The following CNTNAP2 variants were observed in gnomAD, a reference collection of about 807,000 sequenced individuals.
The protein encoded by CNTNAP2 is contactin-associated protein-like 2.
Under a neutral mutation model 155.2 loss-of-function variants are expected in CNTNAP2, and 98 were observed. The observed-to-expected ratio is 0.63, with a 90% confidence interval of 0.54 to 0.75. CNTNAP2 has a LOEUF of 0.75. Ranked by LOEUF, CNTNAP2 falls within the 30% of genes least tolerant of loss-of-function variation. The pLI, the probability that CNTNAP2 is intolerant of heterozygous loss-of-function variation, is 0.00. For missense variants in CNTNAP2, 1,727 were observed against 1,688.1 expected (o/e 1.02, Z -0.40); for synonymous variants, 651 against 631.2 (o/e 1.03, Z -0.47).
intron 1 of CNTNAP2, among the ~76,000 whole-genome samples, chr7:146,380,878 G>C (rs554310265): frequency 7.6e-6 from 1 of 130,944 alleles, no homozygotes; most frequent in Non-Finnish European, 1.5e-5. Flanking sequence ...GCTCACTGCA[G>C]GCTCCGCCCC....
chr7:147,642,013 T>TGC (rs1795287885), intron 13 of CNTNAP2, among the ~76,000 whole-genome samples: 1 of 148,466 alleles, frequency 6.7e-6, no homozygotes, highest in African/African-American at 2.5e-5. Context: ...TGTGTGTGCG[T>TGC]GTGTGTGTGT....
intron 1 of CNTNAP2, among the ~76,000 whole-genome samples, chr7:146,349,197 C>T (rs548745563): frequency 3.3e-5 from 5 of 152,196 alleles, no homozygotes; most frequent in East Asian, 3.9e-4. Flanking sequence ...AAATTCTATT[C>T]GCCAGAAATA....
At chr7:147,765,809 C>T (rs754654002) in intron 13 of CNTNAP2, among the ~76,000 whole-genome samples, 1 of 152,056 alleles carries the variant, frequency 6.6e-6, no homozygotes, top group Non-Finnish European at 1.5e-5. Context: ...ATAACTAATT[C>T]AGCAGTTTAT....
At chr7:147,074,232 T>C (rs1461889755) in intron 4 of CNTNAP2, among the ~76,000 whole-genome samples, 3 of 152,076 alleles carry the variant, frequency 2.0e-5, no homozygotes, top group Non-Finnish European at 1.5e-5. Flanking sequence ...TGCTCTTCCA[T>C]TTATCATCTG....
At chr7:146,282,540 T>C (rs183235041) in intron 1 of CNTNAP2, among the ~76,000 whole-genome samples, 13 of 152,230 alleles carry the variant, frequency 8.5e-5, no homozygotes, top group African/African-American at 2.9e-4. Flanking sequence ...ATTTATACTA[T>C]TTCATTTGAT....
chr7:146,478,319 A>G (rs1796909866), intron 1 of CNTNAP2, among the ~76,000 whole-genome samples: 1 of 152,072 alleles, frequency 6.6e-6, no homozygotes, highest in Admixed American at 6.6e-5. Flanking sequence ...GAAAACGAGA[A>G]AAAGAAAACA....
chr7:148,092,825 A>T (rs922041723), intron 15 of CNTNAP2, among the ~76,000 whole-genome samples: 1 of 148,950 alleles, frequency 6.7e-6, no homozygotes, highest in East Asian at 2.1e-4. Context: ...TATGAAAATG[A>T]TTTATTAGAC....
chr7:146,553,681 T>C (rs1191786548), intron 1 of CNTNAP2, among the ~76,000 whole-genome samples: 1 of 152,182 alleles, frequency 6.6e-6, no homozygotes, highest in Non-Finnish European at 1.5e-5. Flanking sequence ...TAGGATATTA[T>C]ACAAAGATTA....
intron 13 of CNTNAP2, among the ~76,000 whole-genome samples, chr7:147,882,666 C>T (rs909650293): frequency 1.3e-5 from 2 of 152,198 alleles, no homozygotes; most frequent in African/African-American, 4.8e-5. Context: ...AGAATCCCTG[C>T]TTTACTCCCT....
chr7:146,281,569 G>T (rs1483161813), intron 1 of CNTNAP2, among the ~76,000 whole-genome samples: 1 of 152,116 alleles, frequency 6.6e-6, no homozygotes, highest in Non-Finnish European at 1.5e-5. Context: ...GGCTGAGGCG[G>T]GTGGATCACA....
At chr7:147,832,117 TCATA>T (rs1468312513) in intron 13 of CNTNAP2, among the ~76,000 whole-genome samples, 1 of 148,166 alleles carries the variant, frequency 6.7e-6, no homozygotes, top group African/African-American at 2.4e-5. Flanking sequence ...AATTTTATAA[TCATA>T]CAATTATATT....
chr7:146,997,360 T>G (rs1260326552), intron 3 of CNTNAP2, among the ~76,000 whole-genome samples: 1 of 152,182 alleles, frequency 6.6e-6, no homozygotes, highest in African/African-American at 2.4e-5. Flanking sequence ...TCTGTTAGTG[T>G]GATGTGTCAC....
intron 1 of CNTNAP2, among the ~76,000 whole-genome samples, chr7:146,712,409 A>G (rs893043984): frequency 4.6e-4 from 67 of 144,224 alleles, no homozygotes; most frequent in Non-Finnish European, 8.0e-4. Flanking sequence ...AAAATAAAAA[A>G]CAGGAAATTG....
chr7:147,891,601 G>A (rs1799695697), intron 13 of CNTNAP2, among the ~76,000 whole-genome samples: 1 of 151,784 alleles, frequency 6.6e-6, no homozygotes, highest in African/African-American at 2.4e-5. Context: ...ATGAAGAAAA[G>A]GGATATAAAC....
intron 8 of CNTNAP2, among the ~76,000 whole-genome samples, chr7:147,176,924 T>C (rs1236358047): frequency 1.6e-5 from 2 of 126,026 alleles, no homozygotes; most frequent in East Asian, 4.1e-4. Context: ...ATTTTAATAA[T>C]ATAATATATA....
chr7:147,209,516 A>G, intron 8 of CNTNAP2, among the ~76,000 whole-genome samples: 1 of 152,028 alleles, frequency 6.6e-6, no homozygotes, highest in East Asian at 1.9e-4. Flanking sequence ...CTTTTATAGA[A>G]TCAGATCATC....
At chr7:146,972,984 T>C (rs1433805179) in intron 3 of CNTNAP2, among the ~76,000 whole-genome samples, 1 of 152,186 alleles carries the variant, frequency 6.6e-6, no homozygotes. Flanking sequence ...AAATTCACAT[T>C]AAAGTAAAAA....
intron 1 of CNTNAP2, among the ~76,000 whole-genome samples, chr7:146,438,910 G>A (rs1230654785): frequency 4.0e-5 from 6 of 151,448 alleles, no homozygotes; most frequent in Non-Finnish European, 8.8e-5. Context: ...GTCATCCTGA[G>A]CATAGATTTT....
intron 3 of CNTNAP2, among the ~76,000 whole-genome samples, chr7:146,958,879 T>C (rs1471252929): frequency 1.3e-5 from 2 of 152,268 alleles, no homozygotes; most frequent in East Asian, 3.9e-4. Context: ...TAAGCTTAAA[T>C]TTAGAAATCC....
Sources: allele counts gnomAD v4.1 joint callset (sites outside exome capture counted in the v4.1 genomes callset), GRCh38; gene constraint gnomAD v4.1.1; transcripts MANE v1.5; gene names NCBI Gene and HGNC (gene_info 2026-07-23, HGNC 2026-07-21).